The following TBC1D5 variants were observed in gnomAD, a reference collection of about 807,000 sequenced individuals.
The protein encoded by TBC1D5 is TBC1 domain family, member 5.
TBC1D5 carries 75 observed loss-of-function variants against 100.3 expected under a neutral mutation model. The observed-to-expected ratio is 0.75, with a 90% CI of 0.62 to 0.91. The LOEUF (loss-of-function observed/expected upper bound fraction) is 0.91. TBC1D5 is among the 40% of genes least tolerant of loss of function. TBC1D5 has a pLI of 0.00. For missense variants in TBC1D5, 910 were observed against 942.4 expected, an observed-to-expected ratio of 0.97 and a Z score of 0.45; for synonymous variants, 323 against 325.6, an observed-to-expected ratio of 0.99 and a Z score of 0.09.
intron 13 of TBC1D5, among the ~76,000 whole-genome samples, chr3:17,365,249 T>C (rs948513614): frequency 1.3e-5 from 2 of 152,186 alleles, no homozygotes; most frequent in African/African-American, 4.8e-5. Flanking sequence ...TTTGTTCGCC[T>C]CTCAGTGGGA....
intron 1 of TBC1D5, among the ~76,000 whole-genome samples, chr3:17,640,304 C>T (rs1238883054): frequency 2.0e-5 from 3 of 152,054 alleles, no homozygotes; most frequent in Non-Finnish European, 4.4e-5. Context: ...CCTGAATTAG[C>T]TTATCTGAAT....
exon 22 of TBC1D5, chr3:17,158,524 T>G (rs1484280345): frequency 6.6e-6 from 1 of 152,126 alleles, no homozygotes; most frequent in African/African-American, 2.4e-5. Context: ...ATTGTCTGAG[T>G]ATGAGCCTGT....
chr3:17,391,154 T>C (rs1343474792), intron 8 of TBC1D5, among the ~76,000 whole-genome samples: 2 of 152,144 alleles, frequency 1.3e-5, no homozygotes, highest in East Asian at 3.9e-4. Context: ...CTTAAAACTA[T>C]ATCTGCAAAT....
chr3:17,224,661 T>C (rs1030844374), intron 17 of TBC1D5, among the ~76,000 whole-genome samples: 5 of 152,206 alleles, frequency 3.3e-5, no homozygotes, highest in Admixed American at 1.3e-4. Context: ...CAAAATAGGG[T>C]AATGATATGT....
At chr3:17,546,770 C>A (rs1202884225) in intron 2 of TBC1D5, among the ~76,000 whole-genome samples, 1 of 142,624 alleles carries the variant, frequency 7.0e-6, no homozygotes, top group African/African-American at 2.6e-5. Context: ...CTGACAAGAG[C>A]GAGACTCCAT....
intron 18 of TBC1D5, among the ~76,000 whole-genome samples, chr3:17,212,649 G>T (rs555128653): frequency 3.0e-4 from 45 of 152,110 alleles, no homozygotes; most frequent in African/African-American, 8.9e-4. Flanking sequence ...CGTGGAGGTG[G>T]AAACAATGAT....
At chr3:17,411,091 A>G (rs1464046866) in intron 4 of TBC1D5, among the ~76,000 whole-genome samples, 1 of 151,990 alleles carries the variant, frequency 6.6e-6, no homozygotes, top group Non-Finnish European at 1.5e-5. Flanking sequence ...TGCCACAGTT[A>G]CCCCCAACCT....
At chr3:17,450,216 ACC>A (rs2094894142) in intron 3 of TBC1D5, among the ~76,000 whole-genome samples, 1 of 152,104 alleles carries the variant, frequency 6.6e-6, no homozygotes, top group South Asian at 2.1e-4. Flanking sequence ...CCACGCAAAA[ACC>A]CCATCCAAAA....
intron 1 of TBC1D5, among the ~76,000 whole-genome samples, chr3:17,626,588 C>G (rs576683216): frequency 6.6e-6 from 1 of 152,122 alleles, no homozygotes; most frequent in South Asian, 2.1e-4. Flanking sequence ...CAAAGCAAAA[C>G]AGGAATTCAG....
chr3:17,253,380 C>T (rs529409367), intron 16 of TBC1D5, among the ~76,000 whole-genome samples: 2 of 152,268 alleles, frequency 1.3e-5, no homozygotes, highest in African/African-American at 4.8e-5. Context: ...AACTAAAGTG[C>T]TCTTTCTGAA....
At chr3:17,545,089 A>AT (rs565995639) in intron 2 of TBC1D5, among the ~76,000 whole-genome samples, 145 of 151,886 alleles carry the variant, frequency 9.5e-4, no homozygotes, top group African/African-American at 1.6e-3. Flanking sequence ...AAAAGCTGTG[A>AT]TTTTTTTTTA....
intron 2 of TBC1D5, among the ~76,000 whole-genome samples, chr3:17,548,109 T>C (rs528727674): frequency 6.6e-6 from 1 of 151,928 alleles, no homozygotes; most frequent in Non-Finnish European, 1.5e-5. Context: ...GGTCAGGAGA[T>C]CGAGACCATC....
chr3:17,442,671 T>G (rs556970879), intron 3 of TBC1D5, among the ~76,000 whole-genome samples: 1 of 152,270 alleles, frequency 6.6e-6, no homozygotes, highest in African/African-American at 2.4e-5. Context: ...AACGGAACCA[T>G]AATATTAATA....
At chr3:17,237,467 G>A (rs1177566623) in intron 17 of TBC1D5, among the ~76,000 whole-genome samples, 1 of 152,216 alleles carries the variant, frequency 6.6e-6, no homozygotes, top group African/African-American at 2.4e-5. Flanking sequence ...TGAGGGAGGT[G>A]AAGCTCTGGA....
chr3:17,581,884 T>C (rs1030961352), intron 2 of TBC1D5, among the ~76,000 whole-genome samples: 5 of 152,188 alleles, frequency 3.3e-5, no homozygotes, highest in Non-Finnish European at 7.3e-5. Context: ...ACACTGACCT[T>C]GAGGCTGTTC....
chr3:17,725,610 A>C (rs1013169028), intron 1 of TBC1D5, among the ~76,000 whole-genome samples: 2 of 152,130 alleles, frequency 1.3e-5, no homozygotes, highest in Non-Finnish European at 2.9e-5. Flanking sequence ...AGCAAAGTAA[A>C]AGCTCCTCAG....
exon 14 of TBC1D5, chr3:17,308,047 G>C: frequency 1.2e-6 from 2 of 1,610,632 alleles, no homozygotes; most frequent in African/African-American, 1.3e-5. Context: ...CTAAACCCAG[G>C]CTGAGGCCGT....
At chr3:17,468,187 ACT>A (rs1576180238) in intron 3 of TBC1D5, among the ~76,000 whole-genome samples, 1 of 152,172 alleles carries the variant, frequency 6.6e-6, no homozygotes, top group East Asian at 1.9e-4. Context: ...CACTAAAAAG[ACT>A]CTAACATCAA....
intron 15 of TBC1D5, among the ~76,000 whole-genome samples, chr3:17,281,351 C>A (rs2080569616): frequency 6.6e-6 from 1 of 152,174 alleles, no homozygotes. Context: ...AAATAAAGAT[C>A]TTTTCCAAAT....
Sources: allele counts gnomAD v4.1 joint callset (sites outside exome capture counted in the v4.1 genomes callset), GRCh38; gene constraint gnomAD v4.1.1; transcripts MANE v1.5; gene names NCBI Gene and HGNC (gene_info 2026-07-23, HGNC 2026-07-21).